The following STEAP2 variants were observed in gnomAD, a reference collection of about 807,000 sequenced individuals.
The protein encoded by STEAP2 is metalloreductase STEAP2.
Under a neutral mutation model 46.4 loss-of-function variants are expected in STEAP2, and 30 were observed. That is an observed-to-expected ratio of 0.65 (90% CI 0.48 to 0.88). STEAP2 has a LOEUF of 0.88. Among genes scored for constraint, STEAP2 ranks in the 40% least tolerant of loss-of-function variants. STEAP2 has a pLI of 0.00. For missense variants in STEAP2, 513 were observed against 579.3 expected (o/e 0.89, Z 1.18); for synonymous variants, 180 against 200.5 (o/e 0.90, Z 0.86).
chr7:90,222,129 C>T (rs942643616), intron 2 of STEAP2, among the ~76,000 whole-genome samples: 3 of 152,046 alleles, frequency 2.0e-5, no homozygotes, highest in African/African-American at 7.2e-5. Context: ...GATTTCATTA[C>T]TTCTGGTTTT....
the STEAP2 span, among the ~76,000 whole-genome samples, chr7:90,243,232 T>C: frequency 6.6e-6 from 1 of 152,338 alleles, no homozygotes; most frequent in Non-Finnish European, 1.5e-5. Context: ...ATCAACCTCA[T>C]TCTAGAAATG....
At chr7:90,222,903 G>T (rs116431917) in intron 2 of STEAP2, among the ~76,000 whole-genome samples, 1,912 of 152,170 alleles carry the variant, frequency 0.013, 42 homozygotes, top group African/African-American at 0.043. Context: ...CCTCTGAAAT[G>T]GTCCACATCT....
chr7:90,234,113 CCATT>C lies in STEAP2; in HGVS notation c.*1494_*1497del, dbSNP rs1477195186. ...CTGAGAAGTTCTCCTGCCTGCATAA[CCATT>C]CATTAGGGAGTACTTTACAAGCATG... On this transcript the variant is annotated 3_prime_UTR_variant, in exon 6 of 6. Transcript: ENST00000394621. 2.0e-6 allele frequency: 2 copies of C among 985,192 alleles called. No individual in the cohort carries two copies. The highest frequency in any genetic ancestry group is 2.4e-6 in the Non-Finnish European group (2 of 829,908). The allele number at this position is 985,192 out of a possible 1,614,324, so 61.0% of individuals were successfully genotyped here.
intron 2 of STEAP2, among the ~76,000 whole-genome samples, chr7:90,219,570 T>G (rs531129746): frequency 6.6e-6 from 1 of 152,330 alleles, no homozygotes; most frequent in South Asian, 2.1e-4. Context: ...TCCTTCATTC[T>G]CTTCAGGTGA....
At position 90,236,259 on chromosome 7, in the gene STEAP2, A is replaced by T; in HGVS notation, c.*3635A>T. 1.1e-6 allele frequency: 1 copy of T among 901,398 alleles called. No individual in the cohort carries two copies. The highest frequency in any genetic ancestry group is 1.2e-4 in the East Asian group (1 of 8,368). 55.8% of individuals were successfully genotyped at this position (901,398 alleles called of 1,614,324 possible). A position where few individuals can be genotyped will look rare whatever the true frequency, so the allele number is the denominator to read the frequency against. ...TGGTATTTTAAATAAAGTATCATAA[A>T]TGTAATAAGTAAATATTTATTTAGG... On this transcript the variant is annotated 3_prime_UTR_variant, in exon 6 of 6. Coordinates refer to ENST00000394621, the MANE Select transcript of STEAP2 (RefSeq NM_001244944.2).
intron 2 of STEAP2, among the ~76,000 whole-genome samples, chr7:90,221,721 C>T (rs17863958): frequency 0.15 from 23,277 of 152,074 alleles, 2,806 homozygotes; most frequent in East Asian, 0.65. Flanking sequence ...GTCTTCCCCA[C>T]AGCACATTAT....
chr7:90,218,039 C>G (rs371251281), intron 2 of STEAP2, among the ~76,000 whole-genome samples: 3 of 152,082 alleles, frequency 2.0e-5, no homozygotes, highest in East Asian at 1.9e-4. Flanking sequence ...AGCATTTTTT[C>G]ATATACCTAT....
At chr7:90,222,197 G>GT (rs1173469645) in intron 2 of STEAP2, among the ~76,000 whole-genome samples, 2 of 152,004 alleles carry the variant, frequency 1.3e-5, no homozygotes, top group African/African-American at 4.8e-5. Flanking sequence ...ATATTGACAG[G>GT]TTTTTTTCCT....
chr7:90,236,730 A>G lies in STEAP2; in HGVS notation c.*4106A>G. 1 of 1,400,962 alleles carries G rather than the reference A, an allele frequency of 7.1e-7. No homozygotes were observed. Among genetic ancestry groups the G allele is most frequent in the Non-Finnish European group, 9.2e-7 (1 of 1,081,888 alleles). The allele number at this position is 1,400,962 out of a possible 1,614,324, so 86.8% of individuals were successfully genotyped here. ...ATACTGAGTTTTTTTTAACTTTCTA[A>G]ATTATTGAATTTCCATCATGCATTC... On this transcript the variant is annotated 3_prime_UTR_variant, in exon 6 of 6. Coordinates refer to ENST00000394621, the MANE Select transcript of STEAP2 (RefSeq NM_001244944.2).
intron 5 of STEAP2, among the ~76,000 whole-genome samples, chr7:90,232,006 T>C (rs988214074): frequency 1.3e-5 from 2 of 152,048 alleles, no homozygotes; most frequent in Non-Finnish European, 2.9e-5. Flanking sequence ...ATCCATTCAA[T>C]AGAATATTAT....
At chr7:90,238,181 A>G, downstream of STEAP2, 1 of 717,016 alleles carries the variant, frequency 1.4e-6, no homozygotes, top group African/African-American at 1.7e-5. Flanking sequence ...TATGTTGAGG[A>G]GTCCTGTACA....
At chr7:90,228,455 C>T (rs1350873111) in intron 4 of STEAP2, among the ~76,000 whole-genome samples, 4 of 152,064 alleles carry the variant, frequency 2.6e-5, no homozygotes, top group Non-Finnish European at 5.9e-5. Context: ...GTTGCTCAGT[C>T]AGCTCCCTTG....
At chr7:90,221,034 G>A (rs1693996315) in intron 2 of STEAP2, among the ~76,000 whole-genome samples, 1 of 152,032 alleles carries the variant, frequency 6.6e-6, no homozygotes. Context: ...ATCTTATTTT[G>A]TGTTCTAACA....
Position 90,233,782 on chromosome 7 carries a change from C to G in STEAP2, c.*1158C>G. 1 of 985,368 alleles carries G rather than the reference C, an allele frequency of 1.0e-6. No homozygotes were observed. The highest frequency in any genetic ancestry group is 1.2e-6 in the Non-Finnish European group (1 of 829,930). The allele number at this position is 985,368 out of a possible 1,614,324, so 61.0% of individuals were successfully genotyped here. A position where few individuals can be genotyped will look rare whatever the true frequency, so the allele number is the denominator to read the frequency against. ...TAGGCTCTAGAGCTCCCGCCGCGCCCCTATGCATTATGTTCACAATGCCAA... is the reference window on the plus strand; with the variant it reads ...TAGGCTCTAGAGCTCCCGCCGCGCCGCTATGCATTATGTTCACAATGCCAA... On this transcript the variant is annotated 3_prime_UTR_variant, in exon 6 of 6. Coordinates refer to ENST00000394621, the MANE Select transcript of STEAP2 (RefSeq NM_001244944.2).
rs2116407020 is a variant in STEAP2 at position 90,236,180 on chromosome 7, A to C, written c.*3556A>C. ...TAAGCTATTTCATAATAAATTCTGTACAGTTTCCCCCCAAAAAAGAGATTT... is the reference window on the plus strand; with the variant it reads ...TAAGCTATTTCATAATAAATTCTGTCCAGTTTCCCCCCAAAAAAGAGATTT... On this transcript the variant is annotated 3_prime_UTR_variant, in exon 6 of 6. Transcript: ENST00000394621. The C allele has an allele frequency of 1.4e-6, 1 of 734,234 alleles. No individual in the cohort carries two copies. The highest frequency in any genetic ancestry group is 6.4e-5 in the South Asian group (1 of 15,614). 45.5% of individuals were successfully genotyped at this position (734,234 alleles called of 1,614,324 possible).
At chr7:90,218,600 GATT>G (rs1356253778) in intron 2 of STEAP2, among the ~76,000 whole-genome samples, 1 of 151,956 alleles carries the variant, frequency 6.6e-6, no homozygotes, top group Non-Finnish European at 1.5e-5. Flanking sequence ...TTTTTTTGTG[GATT>G]ATCTAATCTG....
chr7:90,224,766 G>T (rs76850677), intron 2 of STEAP2, among the ~76,000 whole-genome samples: 3 of 152,188 alleles, frequency 2.0e-5, no homozygotes, highest in African/African-American at 7.2e-5. Context: ...ACGAGATTCC[G>T]AAGTGATCTG....
Position 90,236,520 on chromosome 7 carries a change from T to C in STEAP2, c.*3896T>C. 9.8e-7 allele frequency: 1 copy of C among 1,018,744 alleles called. No individual in the cohort carries two copies. Among genetic ancestry groups the C allele is most frequent in the Non-Finnish European group, 1.2e-6 (1 of 851,104 alleles). 63.1% of individuals were successfully genotyped at this position (1,018,744 alleles called of 1,614,324 possible). ...AATTCTGATGTACATTCAGGACAAA[T>C]GATTAGCCCTAAATGAAACTGTAAT... On this transcript the variant is annotated 3_prime_UTR_variant, in exon 6 of 6. Coordinates refer to ENST00000394621, the MANE Select transcript of STEAP2 (RefSeq NM_001244944.2).
chr7:90,222,459 C>CT (rs1417104696), intron 2 of STEAP2, among the ~76,000 whole-genome samples: 6 of 152,134 alleles, frequency 3.9e-5, no homozygotes, highest in Admixed American at 2.6e-4. Context: ...CAAAAACACC[C>CT]TTTCCTAAAC....
Sources: allele counts gnomAD v4.1 joint callset (sites outside exome capture counted in the v4.1 genomes callset), GRCh38; gene constraint gnomAD v4.1.1; transcripts MANE v1.5; gene names NCBI Gene and HGNC (gene_info 2026-07-23, HGNC 2026-07-21).